Variants in ANKIB1 observed in about 807,000 individuals in gnomAD.
The protein encoded by ANKIB1 is ankyrin repeat and IBR domain-containing protein 1.
ANKIB1 carries 43 observed loss-of-function variants against 122.1 expected under a neutral mutation model. The ratio of observed to expected loss-of-function variants is 0.35; its 90% CI spans 0.28 to 0.45. ANKIB1 has a LOEUF of 0.45. ANKIB1 is among the 20% of genes least tolerant of loss of function. ANKIB1 has a pLI of 1.00. For synonymous variants in ANKIB1, 390 were observed against 442.0 expected, an observed-to-expected ratio of 0.88 and a Z score of 1.48; for missense variants, 992 against 1,329.5, an observed-to-expected ratio of 0.75 and a Z score of 3.95.
At chr7:92,259,518 A>G (rs1281609006) in intron 1 of ANKIB1, among the ~76,000 whole-genome samples, 2 of 152,214 alleles carry the variant, frequency 1.3e-5, no homozygotes, top group Non-Finnish European at 2.9e-5. Flanking sequence ...TCTGCATTTT[A>G]AATCTGGAAA....
chr7:92,378,134 A>G (rs1171256112), intron 11 of ANKIB1, among the ~76,000 whole-genome samples: 1 of 152,202 alleles, frequency 6.6e-6, no homozygotes, highest in African/African-American at 2.4e-5. Context: ...CACATTCATG[A>G]GTAATTAACC....
intron 10 of ANKIB1, among the ~76,000 whole-genome samples, chr7:92,368,748 G>C (rs1804161906): frequency 6.6e-6 from 1 of 152,070 alleles, no homozygotes; most frequent in Admixed American, 6.5e-5. Context: ...ATGTATAAGG[G>C]ACAGACGTAT....
At chr7:92,250,900 C>T (rs1201802156) in intron 1 of ANKIB1, among the ~76,000 whole-genome samples, 2 of 151,986 alleles carry the variant, frequency 1.3e-5, no homozygotes, top group Admixed American at 6.6e-5. Context: ...AATTTTTAAC[C>T]AAAAACTGTT....
At chr7:92,269,060 C>G (rs144341156) in intron 1 of ANKIB1, among the ~76,000 whole-genome samples, 114 of 152,278 alleles carry the variant, frequency 7.5e-4, no homozygotes, top group African/African-American at 2.6e-3. Context: ...TGACTTTAAA[C>G]AGGAAGAACA....
At chr7:92,299,049 C>T (rs569907898) in intron 2 of ANKIB1, among the ~76,000 whole-genome samples, 32 of 152,288 alleles carry the variant, frequency 2.1e-4, no homozygotes, top group African/African-American at 6.3e-4. Flanking sequence ...GTTGTTTAGA[C>T]TTGGGTACTT....
intron 5 of ANKIB1, among the ~76,000 whole-genome samples, chr7:92,338,930 AAAAATATATATATATAT>A (rs1803362799): frequency 2.7e-5 from 1 of 37,190 alleles, no homozygotes; most frequent in African/African-American, 1.0e-4. Context: ...AAAAAAAAAA[AAAAATATATATATATAT>A]ATATATATAT....
intron 3 of ANKIB1, among the ~76,000 whole-genome samples, chr7:92,316,123 T>G (rs916033479): frequency 2.0e-5 from 3 of 152,156 alleles, no homozygotes; most frequent in Admixed American, 6.5e-5. Context: ...GGTAGAACAT[T>G]TTATGTGCCA....
At chr7:92,291,828 G>C (rs767148565) in intron 1 of ANKIB1, among the ~76,000 whole-genome samples, 3 of 152,086 alleles carry the variant, frequency 2.0e-5, no homozygotes, top group Non-Finnish European at 4.4e-5. Flanking sequence ...ACCTGCCTCA[G>C]GCTCCCAAAG....
intron 10 of ANKIB1, 63 bp from the exon 11 acceptor site, chr7:92,371,414 T>G: frequency 6.9e-7 from 1 of 1,450,964 alleles, no homozygotes; most frequent in Non-Finnish European, 9.4e-7. Context: ...GGAGGGTTTT[T>G]TTTTCCCCCA....
intron 4 of ANKIB1, among the ~76,000 whole-genome samples, chr7:92,321,114 A>T (rs879547035): frequency 2.6e-5 from 4 of 151,840 alleles, no homozygotes; most frequent in South Asian, 4.1e-4. Context: ...TAATTTTTAA[A>T]TTTTTTATTA....
rs577060311 is a variant in ANKIB1 at position 92,348,422 on chromosome 7, G to A, written c.1086-2528G>A. On this transcript the variant is annotated intron_variant, in intron 7 of 19. Transcript: ENST00000265742. Reference sequence around the variant, plus strand: ...TTTTTTTGAGTTGGAGTCTCGCTCCGTCACCCAGGCAGGAGTGCAGTGGCA... The same window carrying A: ...TTTTTTTGAGTTGGAGTCTCGCTCCATCACCCAGGCAGGAGTGCAGTGGCA... Among the ~76,000 whole-genome samples the A allele has an allele frequency of 1.6e-4, 22 of 139,990 alleles. 1 individual carries two copies. In the East Asian group the frequency reaches 2.6e-3, roughly 16 times the overall value. The allele number at this position is 139,990 out of a possible 152,430, so 91.8% of individuals were successfully genotyped here.
intron 1 of ANKIB1, among the ~76,000 whole-genome samples, chr7:92,261,304 G>C (rs1475530730): frequency 6.8e-6 from 1 of 147,332 alleles, no homozygotes; most frequent in Admixed American, 6.8e-5. Context: ...AGCCGAGATC[G>C]CGCCACTGCA....
At chr7:92,249,180 G>A (rs1049808469) in intron 1 of ANKIB1, among the ~76,000 whole-genome samples, 1 of 152,132 alleles carries the variant, frequency 6.6e-6, no homozygotes, top group Non-Finnish European at 1.5e-5. Context: ...CAGCCACTGC[G>A]CCTGGCCTTC....
chr7:92,340,023 G>T (rs1179527522), intron 5 of ANKIB1, among the ~76,000 whole-genome samples: 1 of 151,076 alleles, frequency 6.6e-6, no homozygotes, highest in Admixed American at 6.6e-5. Flanking sequence ...CCTTTGAAGT[G>T]TTTTTTCTCC....
chr7:92,398,710 G>A lies in ANKIB1; in HGVS notation c.3031G>A (p.Val1011Met), dbSNP rs2115733522. ...CTGTATCAAAGATGGGTCAGAAGGTGTGAAGGATGTGGAACTGGTGCTGCC... is the reference window on the plus strand; with the variant it reads ...CTGTATCAAAGATGGGTCAGAAGGTATGAAGGATGTGGAACTGGTGCTGCC... ...LPCIKDGSEG[V>M]KDVELVLPED... is the part of the protein sequence containing the mutation. The change falls in exon 20 of 20, where the codon GTG (valine) becomes ATG (methionine). Residue 1011 changes from valine (V) to methionine (M), a missense_variant. By Grantham distance (21) the Val-to-Met change is conservative. Transcript: ENST00000265742. The A allele has an allele frequency of 1.2e-6, 2 of 1,613,646 alleles. No individual in the cohort carries two copies. The highest frequency in any genetic ancestry group is 4.5e-5 in the East Asian group (2 of 44,876).
intron 3 of ANKIB1, among the ~76,000 whole-genome samples, chr7:92,307,950 A>G (rs954560705): frequency 6.6e-5 from 10 of 151,068 alleles, no homozygotes; most frequent in African/African-American, 2.4e-4. Context: ...AGTAGCTGGG[A>G]CTACAGGCAC....
chr7:92,362,738 A>G (rs778373475), intron 10 of ANKIB1, among the ~76,000 whole-genome samples: 1 of 152,214 alleles, frequency 6.6e-6, no homozygotes, highest in Non-Finnish European at 1.5e-5. Context: ...ATAGACAAGT[A>G]TTGTCACTGA....
chr7:92,260,400 G>A (rs905414704), intron 1 of ANKIB1, among the ~76,000 whole-genome samples: 5 of 152,090 alleles, frequency 3.3e-5, no homozygotes, highest in Non-Finnish European at 7.4e-5. Context: ...GTCACTTTGG[G>A]CTTGGCCGGT....
At chr7:92,265,471 A>G (rs1462679932) in intron 1 of ANKIB1, among the ~76,000 whole-genome samples, 1 of 152,252 alleles carries the variant, frequency 6.6e-6, no homozygotes, top group South Asian at 2.1e-4. Flanking sequence ...GCTGGAGCAT[A>G]CTAAGCACGA....
Sources: allele counts gnomAD v4.1 joint callset (sites outside exome capture counted in the v4.1 genomes callset), GRCh38; gene constraint gnomAD v4.1.1; transcripts MANE v1.5; gene names NCBI Gene and HGNC (gene_info 2026-07-23, HGNC 2026-07-21).